Variants in AGMO observed in about 807,000 individuals in gnomAD.
AGMO encodes alkylglycerol monooxygenase.
In AGMO, 75 loss-of-function variants were observed where a neutral mutation model predicts 60.2. The observed-to-expected ratio is 1.25, with a 90% CI of 1.03 to 1.51. AGMO has a LOEUF of 1.51. Among genes scored for constraint, AGMO ranks in the 40% most tolerant of loss-of-function variants. The pLI, the probability that AGMO is intolerant of heterozygous loss-of-function variation, is 0.00. For synonymous variants in AGMO, 261 were observed against 177.1 expected, an observed-to-expected ratio of 1.47 and a Z score of -3.76; for missense variants, 763 against 525.5, an observed-to-expected ratio of 1.45 and a Z score of -4.42.
intron 12 of AGMO, among the ~76,000 whole-genome samples, chr7:15,328,955 T>C (rs1781423955): frequency 6.6e-6 from 1 of 152,122 alleles, no homozygotes; most frequent in African/African-American, 2.4e-5. Flanking sequence ...GAACCTGAAC[T>C]CCTATTCCCT....
At chr7:15,335,655 T>C (rs574268103) in intron 12 of AGMO, among the ~76,000 whole-genome samples, 20 of 152,318 alleles carry the variant, frequency 1.3e-4, no homozygotes, top group Admixed American at 2.0e-4. Context: ...GACTTGTGTC[T>C]GGCCAGCACT....
intron 5 of AGMO, among the ~76,000 whole-genome samples, chr7:15,410,241 G>C (rs1016796602): frequency 1.1e-4 from 16 of 151,658 alleles, no homozygotes; most frequent in African/African-American, 3.9e-4. Flanking sequence ...AGGATACTTA[G>C]TCTTATGTGT....
At chr7:15,314,729 T>C (rs1377525237) in intron 12 of AGMO, among the ~76,000 whole-genome samples, 10 of 152,152 alleles carry the variant, frequency 6.6e-5, no homozygotes, top group African/African-American at 2.4e-4. Context: ...TATATTACCT[T>C]ATATGACTTT....
At chr7:15,218,840 C>T (rs1170437516) in intron 12 of AGMO, among the ~76,000 whole-genome samples, 1 of 152,016 alleles carries the variant, frequency 6.6e-6, no homozygotes, top group African/African-American at 2.4e-5. Context: ...ACAGGCCTGA[C>T]TCTTTTTCAA....
chr7:15,163,140 C>A, the AGMO span, among the ~76,000 whole-genome samples: 19 of 151,994 alleles, frequency 1.3e-4, no homozygotes, highest in Non-Finnish European at 2.5e-4. Context: ...TATTGGTGTA[C>A]AGAAATGCTA....
chr7:15,365,284 T>C (rs7794146), intron 12 of AGMO, among the ~76,000 whole-genome samples: 30,683 of 148,980 alleles, frequency 0.21, 3,304 homozygotes, highest in Admixed American at 0.25. Flanking sequence ...AACAACTCTA[T>C]GAGGTTGATG....
chr7:15,135,243 T>G, the AGMO span, among the ~76,000 whole-genome samples: 1 of 151,762 alleles, frequency 6.6e-6, no homozygotes, highest in Non-Finnish European at 1.5e-5. Context: ...ACCAATCTGA[T>G]AGCTAAGAGA....
intron 12 of AGMO, chr7:15,306,655 G>C (rs367825457): frequency 8.2e-5 from 29 of 355,020 alleles, no homozygotes; most frequent in East Asian, 6.9e-4. Context: ...ATTAAGGATT[G>C]TTAATGCTTC....
At chr7:15,177,807 A>G in the AGMO span, among the ~76,000 whole-genome samples, 3 of 152,242 alleles carry the variant, frequency 2.0e-5, no homozygotes, top group South Asian at 6.2e-4. Flanking sequence ...AATAGACACA[A>G]TTACATTGTC....
At chr7:15,551,794 T>C (rs1365708477) in intron 2 of AGMO, among the ~76,000 whole-genome samples, 1 of 151,718 alleles carries the variant, frequency 6.6e-6, no homozygotes, top group Non-Finnish European at 1.5e-5. Context: ...CCAATGACTT[T>C]CCTCACAGAA....
chr7:15,410,649 A>T (rs1377921907), intron 5 of AGMO, among the ~76,000 whole-genome samples: 1 of 151,968 alleles, frequency 6.6e-6, no homozygotes, highest in Non-Finnish European at 1.5e-5. Flanking sequence ...CTATATTTCA[A>T]AAAAGATAAA....
chr7:15,222,939 T>A (rs1164800589), intron 12 of AGMO, among the ~76,000 whole-genome samples: 1 of 125,636 alleles, frequency 8.0e-6, no homozygotes, highest in Non-Finnish European at 1.5e-5. Flanking sequence ...GCAGTTAATA[T>A]ACAATTTTTC....
At chr7:15,244,305 A>C (rs1469776909) in intron 12 of AGMO, among the ~76,000 whole-genome samples, 3 of 152,140 alleles carry the variant, frequency 2.0e-5, no homozygotes, top group Admixed American at 6.6e-5. Context: ...TATATAAAAG[A>C]CTACCTTGAT....
the AGMO span, among the ~76,000 whole-genome samples, chr7:15,150,949 G>C: frequency 3.3e-5 from 5 of 152,116 alleles, no homozygotes; most frequent in Non-Finnish European, 5.9e-5. Context: ...TTCTGGCCCA[G>C]TGCTTTCTCT....
chr7:15,386,548 G>T lies in AGMO; in HGVS notation c.957+858C>A, dbSNP rs543987703. On this transcript the variant is annotated intron_variant, in intron 9 of 12. Coordinates refer to ENST00000342526, the MANE Select transcript of AGMO (RefSeq NM_001004320.2). ...GCACAATGAATTGTGAACATAAACG[G>T]AAGTGGGAAACTTATTCCTAGCGGC... Among the ~76,000 whole-genome samples, 6 of 152,168 alleles carry T rather than the reference G, an allele frequency of 3.9e-5. No individual in the cohort carries two copies. In the South Asian group the frequency reaches 1.2e-3, roughly 32 times the overall value.
chr7:15,223,274 T>A (rs949274230), intron 12 of AGMO, among the ~76,000 whole-genome samples: 7 of 151,980 alleles, frequency 4.6e-5, no homozygotes, highest in Non-Finnish European at 1.5e-5. Context: ...GTATTAACAC[T>A]ATAGGTTACT....
chr7:15,157,508 G>A, the AGMO span, among the ~76,000 whole-genome samples: 2 of 152,140 alleles, frequency 1.3e-5, no homozygotes, highest in South Asian at 2.1e-4. Flanking sequence ...CTTACTCAGC[G>A]TCCCACTCTC....
chr7:15,386,199 A>AAAGG, intron 9 of AGMO, among the ~76,000 whole-genome samples: 1 of 151,668 alleles, frequency 6.6e-6, no homozygotes, highest in Non-Finnish European at 1.5e-5. Context: ...AAAAGAAAAA[A>AAAGG]AAGGTGATCT....
At chr7:15,190,098 TA>T in the AGMO span, among the ~76,000 whole-genome samples, 19 of 1,186 alleles carry the variant, frequency 0.016, no homozygotes, top group Non-Finnish European at 0.024. Flanking sequence ...TATATATTTA[TA>T]TATATATATA....
Sources: gnomAD v4.1 joint callset for allele counts (sites outside exome capture counted in the v4.1 genomes callset) on GRCh38, gnomAD v4.1.1 for gene constraint, MANE v1.5 for transcripts, NCBI Gene and HGNC (gene_info 2026-07-23, HGNC 2026-07-21) for gene names.